UGGT2: variants seen among roughly 807,000 people sequenced by gnomAD.
UGGT2 encodes the protein UDP-glucose:glycoprotein glucosyltransferase 2.
Under a neutral mutation model 192.1 loss-of-function variants are expected in UGGT2, and 180 were observed. The ratio of observed to expected loss-of-function variants is 0.94; its 90% CI spans 0.83 to 1.06. The LOEUF is 1.06. Ranked by LOEUF, UGGT2 falls within the 50% of genes least tolerant of loss-of-function variation. The probability of loss-of-function intolerance (pLI) is 0.00; values close to 1 mark genes in which losing one functional copy is unlikely to be tolerated. For missense variants in UGGT2, 1,849 were observed against 1,795.7 expected (o/e 1.03, Z -0.54); for synonymous variants, 580 against 591.0 (o/e 0.98, Z 0.27).
At chr13:95,960,175 A>T (rs2050343083) in intron 12 of UGGT2, among the ~76,000 whole-genome samples, 1 of 152,232 alleles carries the variant, frequency 6.6e-6, no homozygotes, top group African/African-American at 2.4e-5. Flanking sequence ...CACAGATGTC[A>T]ACGTAAGGAC....
intron 1 of UGGT2, among the ~76,000 whole-genome samples, chr13:96,050,613 A>T (rs1376208789): frequency 2.0e-5 from 3 of 152,324 alleles, no homozygotes; most frequent in South Asian, 2.1e-4. Context: ...GAATCTACAA[A>T]GAACTTAAAC....
chr13:95,884,416 C>T (rs973893795), intron 27 of UGGT2, 75 bp downstream of exon 27: 2 of 1,222,750 alleles, frequency 1.6e-6, no homozygotes, highest in African/African-American at 3.1e-5. Flanking sequence ...TGATTGCTCA[C>T]TTGCTACAAT....
intron 38 of UGGT2, among the ~76,000 whole-genome samples, chr13:95,832,218 C>CT (rs932771296): frequency 2.0e-5 from 3 of 151,936 alleles, no homozygotes; most frequent in African/African-American, 7.3e-5. Flanking sequence ...GTGAAAGTCT[C>CT]TAACACACTG....
chr13:95,922,103 T>C (rs887013168), intron 20 of UGGT2, among the ~76,000 whole-genome samples: 10 of 151,766 alleles, frequency 6.6e-5, no homozygotes, highest in Non-Finnish European at 1.5e-4. Flanking sequence ...TATGTGCAAA[T>C]TGAAATCAAT....
chr13:95,905,216 G>T (rs2048247578), intron 20 of UGGT2, among the ~76,000 whole-genome samples: 1 of 150,494 alleles, frequency 6.6e-6, no homozygotes. Context: ...AGATGAGTAG[G>T]TTGTGGAAAT....
chr13:96,023,600 T>C, intron 3 of UGGT2, 29 bp downstream of exon 3: 1 of 1,593,716 alleles, frequency 6.3e-7, no homozygotes, highest in Non-Finnish European at 8.6e-7. Flanking sequence ...TGCCTCTTTG[T>C]CAAATACAGA....
chr13:96,001,785 A>C (rs1426130473), intron 5 of UGGT2, among the ~76,000 whole-genome samples: 1 of 152,202 alleles, frequency 6.6e-6, no homozygotes, highest in Non-Finnish European at 1.5e-5. Flanking sequence ...CCACCTTGCC[A>C]CCTGAAACAG....
At chr13:96,032,951 G>T (rs915482983) in intron 1 of UGGT2, among the ~76,000 whole-genome samples, 1 of 152,172 alleles carries the variant, frequency 6.6e-6, no homozygotes, top group South Asian at 2.1e-4. Flanking sequence ...TAACTGATTT[G>T]ACCAAACAGC....
rs191449447 is a variant in UGGT2 at position 95,923,882 on chromosome 13, T to C, written c.2295+1798A>G. On this transcript the variant is annotated intron_variant, in intron 20 of 38. Transcript: ENST00000376747. The stretch of plus-strand genomic sequence containing the variant: ...AGGTTTTATGGGTGATTACTTTTTC[T>C]TCCTTGTTAGTCTTTGATTTTATGT... Among the ~76,000 whole-genome samples, 496 of 152,344 alleles carry C rather than the reference T, an allele frequency of 3.3e-3. 3 individuals are homozygous for C. Among genetic ancestry groups the C allele is most frequent in the South Asian group, 0.02 (96 of 4,828 alleles).
intron 15 of UGGT2, among the ~76,000 whole-genome samples, chr13:95,942,920 T>A (rs553712796): frequency 5.0e-4 from 76 of 152,286 alleles, no homozygotes; most frequent in Non-Finnish European, 7.2e-4. Flanking sequence ...ACACTTACAT[T>A]TTTAAGCTAA....
Position 95,999,277 on chromosome 13 carries a change from C to T in UGGT2, c.691G>A (p.Gly231Arg). ...KPSSRKMYLS[G>R]YGVELAIKST... ...TTAATTGCTAGCTCCACACCATACCCAGATAAGTACATTTTCCGTGAGCTT... is the reference window on the plus strand; with the variant it reads ...TTAATTGCTAGCTCCACACCATACCTAGATAAGTACATTTTCCGTGAGCTT... Residue 231 changes from glycine (G) to arginine (R), a missense_variant, in exon 6 of 39, where the codon GGG becomes AGG. Physicochemically the swap from Gly to Arg is moderately radical, Grantham distance 125. Transcript: ENST00000376747. The T allele has an allele frequency of 1.2e-6, 2 of 1,613,560 alleles. No homozygotes were observed. Among genetic ancestry groups the T allele is most frequent in the Non-Finnish European group, 1.7e-6 (2 of 1,179,668 alleles).
chr13:95,859,723 C>A, intron 32 of UGGT2, 48 bp from the exon 33 acceptor site: 1 of 1,340,320 alleles, frequency 7.5e-7, no homozygotes, highest in African/African-American at 1.5e-5. Context: ...GTAACAGGAG[C>A]TCATATATAT....
rs748808985 is a variant in UGGT2, at chr13:95,856,153, A to C, written c.4008+5T>G. 1 of 1,605,772 alleles carries C rather than the reference A, an allele frequency of 6.2e-7. No homozygotes were observed. Among genetic ancestry groups the C allele is most frequent in the East Asian group, 2.2e-5 (1 of 44,770 alleles). On this transcript the variant is annotated splice_donor_5th_base_variant and intron_variant, in intron 34 of 38. Transcript: ENST00000376747. ...ATTACTAAAAATAGTAGTTAACCTTATTACCTGGTCAGCATCAACAAAAAT... is the reference window on the plus strand; with the variant it reads ...ATTACTAAAAATAGTAGTTAACCTTCTTACCTGGTCAGCATCAACAAAAAT...
chr13:95,914,612 TAAAAAAAAA>T (rs146990164), intron 20 of UGGT2, among the ~76,000 whole-genome samples: 4 of 80,998 alleles, frequency 4.9e-5, no homozygotes, highest in South Asian at 4.7e-4. Context: ...CCATCTCTAC[TAAAAAAAAA>T]AAAAAAAAAA....
At chr13:95,875,392 A>G (rs1268323434) in intron 29 of UGGT2, among the ~76,000 whole-genome samples, 6 of 152,054 alleles carry the variant, frequency 3.9e-5, no homozygotes, top group Admixed American at 3.3e-4. Flanking sequence ...TTGTCTTTTC[A>G]TTCTCTTTTT....
At chr13:96,034,968 G>A (rs2052956178) in intron 1 of UGGT2, among the ~76,000 whole-genome samples, 1 of 152,194 alleles carries the variant, frequency 6.6e-6, no homozygotes, top group Admixed American at 6.5e-5. Context: ...AGCAAAACTA[G>A]GGCAAAGGTG....
chr13:95,822,374 T>A (rs1885597970), intron 38 of UGGT2, among the ~76,000 whole-genome samples: 1 of 152,074 alleles, frequency 6.6e-6, no homozygotes, highest in Non-Finnish European at 1.5e-5. Flanking sequence ...GTGCTACTGA[T>A]TTGTGTGCAG....
In UGGT2 at chr13:95,926,990, CACTTTAAGAATTCAGGTAAATAAA is replaced by C; in HGVS notation, c.2200+14_2200+37del. 6.5e-7 allele frequency: 1 copy of C among 1,530,696 alleles called. No homozygotes were observed. The allele number at this position is 1,530,696 out of a possible 1,614,324, so 94.8% of individuals were successfully genotyped here. On this transcript the variant is annotated intron_variant, in intron 19 of 38. Coordinates refer to ENST00000376747, the MANE Select transcript of UGGT2 (RefSeq NM_020121.4). ...CCTTATGAACATTACAAGTTTCTAT[CACTTTAAGAATTCAGGTAAATAAA>C]ATATGCTTATTACCGTCTTGGGTTA...
chr13:95,868,585 G>A (rs1409867341), intron 29 of UGGT2, among the ~76,000 whole-genome samples: 2 of 151,918 alleles, frequency 1.3e-5, no homozygotes, highest in African/African-American at 4.8e-5. Flanking sequence ...GTCTGGGCAA[G>A]AGAGACCCTG....
Sources: gnomAD v4.1 joint callset for allele counts (sites outside exome capture counted in the v4.1 genomes callset) on GRCh38, gnomAD v4.1.1 for gene constraint, MANE v1.5 for transcripts, NCBI Gene and HGNC (gene_info 2026-07-23, HGNC 2026-07-21) for gene names.